Variants in NTM observed in about 807,000 individuals in gnomAD.
NTM encodes the protein neurotrimin.
NTM carries 13 observed loss-of-function variants against 42.1 expected under a neutral mutation model. The ratio of observed to expected loss-of-function variants is 0.31; its 90% confidence interval spans 0.20 to 0.49. The LOEUF (loss-of-function observed/expected upper bound fraction) is 0.49, where lower values mean the gene tolerates loss of function less well. Among genes scored for constraint, NTM ranks in the 20% least tolerant of loss-of-function variants. The pLI is 0.99. For missense variants in NTM, 373 were observed against 452.8 expected (o/e 0.82, Z 1.60); for synonymous variants, 187 against 179.2 (o/e 1.04, Z -0.35).
chr11:131,598,814 CTT>C lies in NTM; in HGVS notation c.82+227928_82+227929del, dbSNP rs1339673326. Among the ~76,000 whole-genome samples the C allele has an allele frequency of 5.2e-5, 2 of 38,210 alleles. 1 individual carries two copies. The highest frequency in any genetic ancestry group is 1.2e-4 in the Non-Finnish European group (2 of 16,466). The allele number at this position is 38,210 out of a possible 152,430, so 25.1% of individuals were successfully genotyped here. On this transcript the variant is annotated intron_variant, in intron 1 of 8. Transcript: ENST00000683400. ...CTTTCTTTCTTTTTCTTTCTTTCTT[CTT>C]TCTTTCTTTCTTCTTTCTTTCTTTC...
Position 132,027,929 on chromosome 11 carries a change from C to A in NTM, c.167+116281C>A, listed in dbSNP as rs189019204. Reference sequence around the variant, plus strand: ...TTCCATTTTTTTCAGTTTTTCTCTTCAAATTTCAGGTTTGGAAGATTCTAT... The same window carrying A: ...TTCCATTTTTTTCAGTTTTTCTCTTAAAATTTCAGGTTTGGAAGATTCTAT... On this transcript the variant is annotated intron_variant, in intron 2 of 8. Transcript: ENST00000683400. Among the ~76,000 whole-genome samples, 217 of 152,030 alleles carry A rather than the reference C, an allele frequency of 1.4e-3. 1 individual carries two copies. The highest frequency in any genetic ancestry group is 5.1e-3 in the African/African-American group (212 of 41,506).
intron 1 of NTM, among the ~76,000 whole-genome samples, chr11:131,700,784 C>G (rs1189204385): frequency 6.6e-6 from 1 of 152,180 alleles, no homozygotes; most frequent in Non-Finnish European, 1.5e-5. Context: ...ACCAGGTGCT[C>G]AAACATGAAA....
intron 2 of NTM, among the ~76,000 whole-genome samples, chr11:132,063,233 GCTC>G (rs2080956563): frequency 6.6e-6 from 1 of 152,150 alleles, no homozygotes; most frequent in Non-Finnish European, 1.5e-5. Context: ...CCTCCGAAAT[GCTC>G]CTCCTCCAAA....
At chr11:131,521,838 A>C (rs2049775187) in intron 1 of NTM, among the ~76,000 whole-genome samples, 1 of 152,158 alleles carries the variant, frequency 6.6e-6, no homozygotes, top group Admixed American at 6.5e-5. Context: ...CCCTGTCCTC[A>C]GAATGTAATT....
At chr11:132,198,464 G>A (rs2080640839) in intron 3 of NTM, among the ~76,000 whole-genome samples, 1 of 152,180 alleles carries the variant, frequency 6.6e-6, no homozygotes, top group South Asian at 2.1e-4. Flanking sequence ...GCCTCCCAAT[G>A]TGCTGAGATT....
At chr11:132,059,905 C>T (rs1440186438) in intron 2 of NTM, among the ~76,000 whole-genome samples, 1 of 152,204 alleles carries the variant, frequency 6.6e-6, no homozygotes, top group Non-Finnish European at 1.5e-5. Context: ...ATGGACTCCC[C>T]TCCTGCAATG....
At chr11:132,104,992 T>TATATATATATATATATA (rs1341345499) in intron 2 of NTM, among the ~76,000 whole-genome samples, 1 of 111,632 alleles carries the variant, frequency 9.0e-6, no homozygotes, top group Non-Finnish European at 1.8e-5. Context: ...TATATATATA[T>TATATATATATATATATA]TTCATGGGAA....
chr11:131,652,831 C>A (rs2066672734), intron 1 of NTM, among the ~76,000 whole-genome samples: 1 of 152,332 alleles, frequency 6.6e-6, no homozygotes, highest in African/African-American at 2.4e-5. Context: ...GCACTCCAGA[C>A]CCTCCGATCA....
chr11:132,218,603 CT>C (rs2138806294), intron 4 of NTM, among the ~76,000 whole-genome samples: 1 of 152,286 alleles, frequency 6.6e-6, no homozygotes, highest in East Asian at 1.9e-4. Context: ...TGCCTATCTT[CT>C]GCTAGAGTAT....
rs140574320 is a variant in NTM, at chr11:132,030,094, T to C, written c.168-116188T>C. Among the ~76,000 whole-genome samples, 4 of 152,278 alleles carry C rather than the reference T, an allele frequency of 2.6e-5. No individual in the cohort carries two copies. The East Asian group carries it at 7.7e-4, about 29-fold the overall frequency. On this transcript the variant is annotated intron_variant, in intron 2 of 8. Coordinates refer to ENST00000683400, the MANE Select transcript of NTM (RefSeq NM_001352005.2). Reference sequence around the variant, plus strand: ...TCTTATTTTGTTACTCAGGTCATTATTGAAAACATCAGTCACAGAGTGACT... The same window carrying C: ...TCTTATTTTGTTACTCAGGTCATTACTGAAAACATCAGTCACAGAGTGACT...
chr11:131,504,711 G>A (rs995228865), intron 1 of NTM, among the ~76,000 whole-genome samples: 2 of 151,974 alleles, frequency 1.3e-5, no homozygotes, highest in Non-Finnish European at 2.9e-5. Context: ...GGGTGTCAGC[G>A]TGCCCTCACA....
intron 1 of NTM, among the ~76,000 whole-genome samples, chr11:131,486,580 C>G (rs1254372060): frequency 6.6e-6 from 1 of 152,112 alleles, no homozygotes; most frequent in African/African-American, 2.4e-5. Flanking sequence ...TTTTTCTGGT[C>G]AGGAATAAGC....
chr11:131,796,886 G>A (rs934027017), intron 1 of NTM, among the ~76,000 whole-genome samples: 5 of 152,148 alleles, frequency 3.3e-5, no homozygotes, highest in Non-Finnish European at 2.9e-5. Context: ...AGTCAGTGTA[G>A]GAGTTGCATT....
chr11:131,408,146 A>T (rs1020245783), intron 1 of NTM, among the ~76,000 whole-genome samples: 2 of 152,128 alleles, frequency 1.3e-5, no homozygotes, highest in Non-Finnish European at 2.9e-5. Flanking sequence ...TCACTGGGTC[A>T]CTCAGTTGTT....
intron 1 of NTM, among the ~76,000 whole-genome samples, chr11:131,704,546 A>G (rs2076395353): frequency 6.6e-6 from 1 of 152,238 alleles, no homozygotes; most frequent in African/African-American, 2.4e-5. Context: ...TAAAATGCAG[A>G]CACCAGTGCA....
chr11:131,844,498 A>G (rs1294124673), intron 1 of NTM, among the ~76,000 whole-genome samples: 1 of 152,204 alleles, frequency 6.6e-6, no homozygotes, highest in East Asian at 1.9e-4. Flanking sequence ...AGTACCACAC[A>G]ACATTCTCTT....
At chr11:132,128,730 C>T (rs1266432953) in intron 2 of NTM, among the ~76,000 whole-genome samples, 6 of 150,664 alleles carry the variant, frequency 4.0e-5, no homozygotes, top group South Asian at 2.1e-4. Context: ...CTGGCTAACA[C>T]GGTGAAACCC....
In NTM at chr11:132,335,092, A is replaced by G. The variant is rs1317596655; in HGVS notation, c.1014A>G (p.Ala338=). 22 of 1,612,686 alleles carry G rather than the reference A, an allele frequency of 1.4e-5. No homozygotes were observed. The highest frequency in any genetic ancestry group is 1.9e-5 in the Non-Finnish European group (22 of 1,180,016). The change falls in exon 9 of 9, where the codon GCA becomes GCG. Residue 338 remains alanine, a synonymous_variant. Coordinates refer to ENST00000683400, the MANE Select transcript of NTM (RefSeq NM_001352005.2). ...SEVSNGTSRR[A]GCVWLLPLLV... Reference sequence around the variant, plus strand: ...TGAGCAACGGCACGTCGAGGAGGGCAGGCTGCGTCTGGCTGCTGCCTCTTC... The same window carrying G: ...TGAGCAACGGCACGTCGAGGAGGGCGGGCTGCGTCTGGCTGCTGCCTCTTC...
chr11:131,825,050 T>A (rs1326480382), intron 1 of NTM, among the ~76,000 whole-genome samples: 1 of 152,132 alleles, frequency 6.6e-6, no homozygotes, highest in African/African-American at 2.4e-5. Flanking sequence ...GCAATCACAG[T>A]GTTGGCAGGG....
Sources: allele counts gnomAD v4.1 joint callset (sites outside exome capture counted in the v4.1 genomes callset), GRCh38; gene constraint gnomAD v4.1.1; transcripts MANE v1.5; gene names NCBI Gene and HGNC (gene_info 2026-07-23, HGNC 2026-07-21).